The following HDAC1 variants were observed in gnomAD, a reference collection of about 807,000 sequenced individuals.
HDAC1 encodes the protein protein deacetylase HDAC1.
HDAC1 carries 18 observed loss-of-function variants against 65.5 expected under a neutral mutation model. That is an observed-to-expected ratio of 0.27 (90% CI 0.19 to 0.41). HDAC1 has a LOEUF of 0.41. Among genes scored for constraint, HDAC1 ranks in the 10% least tolerant of loss-of-function variants. The pLI is 1.00. For synonymous variants in HDAC1, 211 were observed against 227.9 expected, an observed-to-expected ratio of 0.93 and a Z score of 0.67; for missense variants, 373 against 625.2, an observed-to-expected ratio of 0.60 and a Z score of 4.30.
In HDAC1 at chr1:32,331,732, A is replaced by G. The variant is rs1427826494; in HGVS notation, c.1145A>G (p.Gln382Arg). 28 of 1,614,134 alleles carry G rather than the reference A, an allele frequency of 1.7e-5. No individual in the cohort carries two copies. The highest frequency in any genetic ancestry group is 2.4e-5 in the Non-Finnish European group (28 of 1,180,004). The change falls in exon 11 of 14, where the codon CAG (glutamine) becomes CGG (arginine). Residue 382 changes from glutamine (Q) to arginine (R), a missense_variant. Physicochemically the swap from Gln to Arg is conservative, Grantham distance 43. Transcript: ENST00000373548. This position sits in a 1 kb window ranked among gnomAD's most constrained non-coding sequence, Gnocchi z 4.2. ...MLPHAPGVQM[Q>R]AIPEDAIPEE... ...CCGCACGCACCTGGGGTCCAAATGC[A>G]GGCGATTCCTGAGGACGCCATCCCT...
intron 2 of HDAC1, among the ~76,000 whole-genome samples, chr1:32,311,400 G>T (rs1254653559): frequency 6.6e-6 from 1 of 152,086 alleles, no homozygotes; most frequent in Non-Finnish European, 1.5e-5. Flanking sequence ...TTGGGCAGCA[G>T]AAGTTGCAAT....
intron 3 of HDAC1, among the ~76,000 whole-genome samples, chr1:32,324,071 G>A (rs1028272545): frequency 4.6e-5 from 7 of 151,676 alleles, no homozygotes; most frequent in African/African-American, 1.7e-4. Context: ...ACTGCATGAG[G>A]CCTAGGGAAC....
In HDAC1 at chr1:32,329,682, G is replaced by A. The variant is rs1327937936; in HGVS notation, c.729+522G>A. 2 of 163,260 alleles carry A rather than the reference G, an allele frequency of 1.2e-5. No homozygotes were observed. The highest frequency in any genetic ancestry group is 3.3e-4 in the East Asian group (2 of 6,026). The allele number at this position is 163,260 out of a possible 1,614,324, so 10.1% of individuals were successfully genotyped here. A position where few individuals can be genotyped will look rare whatever the true frequency, so the allele number is the denominator to read the frequency against. Reference sequence around the variant, plus strand: ...GAAAGGCTGTGTGGCATGTTCCATGGGTAGGCTGGCCTAGTGCCTGTGTTT... The same window carrying A: ...GAAAGGCTGTGTGGCATGTTCCATGAGTAGGCTGGCCTAGTGCCTGTGTTT... On this transcript the variant is annotated intron_variant, in intron 7 of 13. Coordinates refer to ENST00000373548, the MANE Select transcript of HDAC1 (RefSeq NM_004964.3). The surrounding 1 kb of genome is among the most constrained non-coding windows in gnomAD (Gnocchi z 4.1).
chr1:32,312,121 C>T (rs1055156304), intron 2 of HDAC1, among the ~76,000 whole-genome samples: 5 of 151,958 alleles, frequency 3.3e-5, no homozygotes, highest in African/African-American at 1.2e-4. Context: ...GCTGGGACTA[C>T]GGTGCATGCC....
At chr1:32,322,035 A>C (rs1641153898) in intron 3 of HDAC1, among the ~76,000 whole-genome samples, 1 of 152,204 alleles carries the variant, frequency 6.6e-6, no homozygotes, top group African/African-American at 2.4e-5. Flanking sequence ...AGTTTAGTGC[A>C]GAACCAGAGC....
chr1:32,330,925 C>T lies in HDAC1; in HGVS notation c.979+17C>T. The stretch of plus-strand genomic sequence containing the variant: ...TCCCTAATGGTAATAGCTGCAGGGC[C>T]AGGTTCGGCTGGGCTGGGTGGGAGC... On this transcript the variant is annotated intron_variant, in intron 9 of 13. Transcript: ENST00000373548. The surrounding 1 kb of genome is among the most constrained non-coding windows in gnomAD (Gnocchi z 4.2). The T allele has an allele frequency of 1.2e-6, 2 of 1,613,858 alleles. No homozygotes were observed. Among genetic ancestry groups the T allele is most frequent in the Non-Finnish European group, 1.7e-6 (2 of 1,179,770 alleles).
Position 32,330,851 on chromosome 1 carries a change from G to A in HDAC1, c.922G>A (p.Val308Ile), listed in dbSNP as rs747301084. 6 of 1,614,140 alleles carry A rather than the reference G, an allele frequency of 3.7e-6. No individual in the cohort carries two copies. In the Admixed American group the frequency reaches 5.0e-5, roughly 13 times the overall value. Residue 308 changes from valine (V) to isoleucine (I), a missense_variant, in exon 9 of 14, where the codon GTT becomes ATT. Transcript: ENST00000373548. This position sits in a 1 kb window ranked among gnomAD's most constrained non-coding sequence, Gnocchi z 4.2. Reference sequence around the variant, plus strand: ...AGGCGGTGGTTACACCATTCGTAACGTTGCCCGGTGCTGGACATATGAGAC... The same window carrying A: ...AGGCGGTGGTTACACCATTCGTAACATTGCCCGGTGCTGGACATATGAGAC... ...LGGGGYTIRN[V>I]ARCWTYETAV...
In HDAC1 at chr1:32,316,657, C is replaced by T. The variant is rs1428801984; in HGVS notation, c.163-8C>T. On this transcript the variant is annotated splice_polypyrimidine_tract_variant and splice_region_variant and intron_variant, in intron 2 of 13. Transcript: ENST00000373548. ...AATAACTTGCCCTTTCTCCCTTCTG[C>T]CCTCTAGCGCCCTCACAAAGCCAAT... 2 of 1,570,074 alleles carry T rather than the reference C, an allele frequency of 1.3e-6. No individual in the cohort carries two copies. The highest frequency in any genetic ancestry group is 1.7e-5 in the Admixed American group (1 of 59,848).
chr1:32,318,947 C>T (rs1166576712), intron 3 of HDAC1, among the ~76,000 whole-genome samples: 1 of 152,104 alleles, frequency 6.6e-6, no homozygotes, highest in Non-Finnish European at 1.5e-5. Flanking sequence ...AGTGAAACCC[C>T]ATCTCTACTA....
At position 32,327,714 on chromosome 1, in the gene HDAC1, C is replaced by G. The variant is rs374132441; in HGVS notation, c.636+37C>G. ...CTTTAGGAGCCAACCGGCTTACCCT[C>G]AGCTGGCAGCTCTACTTCTCTCTCC... On this transcript the variant is annotated intron_variant, in intron 6 of 13. Coordinates refer to ENST00000373548, the MANE Select transcript of HDAC1 (RefSeq NM_004964.3). This position sits in a 1 kb window ranked among gnomAD's most constrained non-coding sequence, Gnocchi z 6.0. The G allele has an allele frequency of 4.1e-5, 66 of 1,604,950 alleles. 1 individual carries two copies. The South Asian group carries it at 7.0e-4, about 17-fold the overall frequency.
chr1:32,314,650 C>A (rs1209424706), intron 2 of HDAC1, among the ~76,000 whole-genome samples: 1 of 151,782 alleles, frequency 6.6e-6, no homozygotes, highest in Non-Finnish European at 1.5e-5. Context: ...CATGGTGAAA[C>A]CCCATCTCTA....
At chr1:32,294,664 G>A (rs745798822) in intron 1 of HDAC1, among the ~76,000 whole-genome samples, 8 of 151,688 alleles carry the variant, frequency 5.3e-5, no homozygotes, top group Non-Finnish European at 1.0e-4. Flanking sequence ...ACAGGCGCCC[G>A]CCACCACACT....
At chr1:32,294,488 GA>G (rs1640740108) in intron 1 of HDAC1, among the ~76,000 whole-genome samples, 1 of 146,952 alleles carries the variant, frequency 6.8e-6, no homozygotes, top group South Asian at 2.2e-4. Flanking sequence ...GAGGTTTGGA[GA>G]ATGCCATGTC....
At chr1:32,304,657 C>G (rs957483102) in intron 2 of HDAC1, among the ~76,000 whole-genome samples, 3 of 152,082 alleles carry the variant, frequency 2.0e-5, no homozygotes, top group Non-Finnish European at 4.4e-5. Flanking sequence ...GCAACCTCTG[C>G]TTTCTGGGCT....
At chr1:32,319,141 G>T (rs1310168016) in intron 3 of HDAC1, among the ~76,000 whole-genome samples, 1 of 152,118 alleles carries the variant, frequency 6.6e-6, no homozygotes, top group Non-Finnish European at 1.5e-5. Flanking sequence ...TTCAGTCTGG[G>T]TGCCTATAGT....
At position 32,302,602 on chromosome 1, in the gene HDAC1, GTCAC is replaced by G. The variant is rs1008421215; in HGVS notation, c.50-16_50-13del. On this transcript the variant is annotated splice_polypyrimidine_tract_variant and intron_variant, in intron 1 of 13. Transcript: ENST00000373548. ...TATGCCTAACTGTGTTAGTGAAGCT[GTCAC>G]TCTCTCTTCTTCAGGGGATGTTGGA... 4 of 1,241,466 alleles carry G rather than the reference GTCAC, an allele frequency of 3.2e-6. No homozygotes were observed. In the African/African-American group the frequency reaches 5.9e-5, roughly 18 times the overall value. 76.9% of individuals were successfully genotyped at this position (1,241,466 alleles called of 1,614,324 possible).
chr1:32,323,629 C>T (rs528683778), intron 3 of HDAC1, among the ~76,000 whole-genome samples: 21 of 152,214 alleles, frequency 1.4e-4, no homozygotes, highest in African/African-American at 5.1e-4. Context: ...AACTCCTGGC[C>T]TCAAGTGGTC....
intron 4 of HDAC1, among the ~76,000 whole-genome samples, chr1:32,326,254 G>C (rs1490690970): frequency 6.6e-6 from 1 of 151,638 alleles, no homozygotes; most frequent in African/African-American, 2.4e-5. Context: ...TCCGCCTCCT[G>C]GGTTCAAGCG....
At chr1:32,292,335 C>T (rs1640709222) in intron 1 of HDAC1, 117 bp downstream of exon 1, 2 of 1,514,370 alleles carry the variant, frequency 1.3e-6, no homozygotes, top group South Asian at 1.2e-5. Flanking sequence ...GGGAGAGGCT[C>T]GGAGAGGAGG....
Sources: allele counts gnomAD v4.1 joint callset (sites outside exome capture counted in the v4.1 genomes callset), GRCh38; gene constraint gnomAD v4.1.1; non-coding constraint Gnocchi (gnomAD v3.1); transcripts MANE v1.5; gene names NCBI Gene and HGNC (gene_info 2026-07-23, HGNC 2026-07-21).